Variants in CABLES1 observed in about 807,000 individuals in gnomAD.
CABLES1 encodes Cdk5 and Abl enzyme substrate 1, also known as CDK5 and ABL1 enzyme substrate 1.
CABLES1 carries 36 observed loss-of-function variants against 57.8 expected under a neutral mutation model. That is an observed-to-expected ratio of 0.62 (90% CI 0.48 to 0.82). The LOEUF (loss-of-function observed/expected upper bound fraction) is 0.82, where lower values mean the gene tolerates loss of function less well. Among genes scored for constraint, CABLES1 ranks in the 40% least tolerant of loss-of-function variants. The probability of loss-of-function intolerance (pLI) is 0.00; values close to 1 mark genes in which losing one functional copy is unlikely to be tolerated. For synonymous variants in CABLES1, 374 were observed against 363.0 expected (o/e 1.03, Z -0.35); for missense variants, 767 against 836.6 (o/e 0.92, Z 1.03).
At chr18:23,152,645 C>T (rs576625809) in intron 1 of CABLES1, among the ~76,000 whole-genome samples, 6 of 151,570 alleles carry the variant, frequency 4.0e-5, no homozygotes, top group Non-Finnish European at 7.4e-5. Context: ...CCATCATGCC[C>T]GGCTAATTTT....
intron 4 of CABLES1, among the ~76,000 whole-genome samples, chr18:23,216,447 G>A (rs2047442585): frequency 1.3e-5 from 2 of 152,316 alleles, no homozygotes; most frequent in South Asian, 4.1e-4. Context: ...GAGGTTAACT[G>A]TAGCTCCCAG....
chr18:23,233,253 G>A (rs200754816), intron 4 of CABLES1, among the ~76,000 whole-genome samples: 3 of 152,142 alleles, frequency 2.0e-5, no homozygotes, highest in Admixed American at 6.5e-5. Flanking sequence ...AGAGATCCCC[G>A]TACAATTCTG....
chr18:23,248,982 A>T (rs1348926705), intron 7 of CABLES1, among the ~76,000 whole-genome samples: 1 of 152,192 alleles, frequency 6.6e-6, no homozygotes, highest in Non-Finnish European at 1.5e-5. Flanking sequence ...TGGGACCAGG[A>T]CTCTGGCTTT....
intron 3 of CABLES1, among the ~76,000 whole-genome samples, chr18:23,212,086 C>T (rs574324593): frequency 1.3e-5 from 2 of 152,370 alleles, no homozygotes; most frequent in African/African-American, 4.8e-5. Flanking sequence ...ATGTAGACAG[C>T]CATGCATGGG....
intron 4 of CABLES1, among the ~76,000 whole-genome samples, chr18:23,233,060 G>A (rs560298101): frequency 1.3e-5 from 2 of 152,258 alleles, no homozygotes; most frequent in Admixed American, 6.5e-5. Flanking sequence ...AGGCCACACA[G>A]CAAGTATGCT....
intron 4 of CABLES1, among the ~76,000 whole-genome samples, chr18:23,215,840 G>A (rs181390739): frequency 2.1e-4 from 31 of 151,034 alleles, no homozygotes; most frequent in South Asian, 1.3e-3. Flanking sequence ...TGCAAGCTCC[G>A]CCTCCCGGGT....
At chr18:23,159,763 T>C (rs1379251009) in intron 1 of CABLES1, among the ~76,000 whole-genome samples, 1 of 152,250 alleles carries the variant, frequency 6.6e-6, no homozygotes, top group African/African-American at 2.4e-5. Flanking sequence ...TTAAAATTAG[T>C]CTGCTGTTGC....
At chr18:23,251,339 T>C (rs934444033) in intron 7 of CABLES1, among the ~76,000 whole-genome samples, 1 of 152,146 alleles carries the variant, frequency 6.6e-6, no homozygotes, top group Non-Finnish European at 1.5e-5. Flanking sequence ...TAGTTCCAGC[T>C]ACTCGGAAGG....
chr18:23,208,177 C>T (rs1053094932), intron 3 of CABLES1, among the ~76,000 whole-genome samples: 2 of 152,186 alleles, frequency 1.3e-5, no homozygotes, highest in African/African-American at 2.4e-5. Flanking sequence ...CCTGGATTAG[C>T]ATCTCCTTCC....
chr18:23,231,051 A>G (rs1474924328), intron 4 of CABLES1, among the ~76,000 whole-genome samples: 1 of 152,166 alleles, frequency 6.6e-6, no homozygotes, highest in East Asian at 1.9e-4. Flanking sequence ...ACTTAGGAGA[A>G]TCTTGCACTG....
At position 23,136,648 on chromosome 18, in the gene CABLES1, C is replaced by A. The variant is rs777942979; in HGVS notation, c.845+41C>A. 5 of 1,251,280 alleles carry A rather than the reference C, an allele frequency of 4.0e-6. No homozygotes were observed. In the African/African-American group the frequency reaches 6.2e-5, roughly 15 times the overall value. 77.5% of individuals were successfully genotyped at this position (1,251,280 alleles called of 1,614,324 possible). A position where few individuals can be genotyped will look rare whatever the true frequency, so the allele number is the denominator to read the frequency against. The stretch of plus-strand genomic sequence containing the variant: ...GCGACGCGCACCCAACCCTGCGTCC[C>A]GCCCGGCGCTCCCAGCCTCCCCGCG... On this transcript the variant is annotated intron_variant, in intron 1 of 9. Coordinates refer to ENST00000256925, the MANE Select transcript of CABLES1 (RefSeq NM_001100619.3).
chr18:23,204,724 C>A, intron 3 of CABLES1: 1 of 152,508 alleles, frequency 6.6e-6, no homozygotes, highest in Non-Finnish European at 1.5e-5. Context: ...GCCTCACAAT[C>A]ATGGCGGAAG....
chr18:23,257,575 C>T lies in CABLES1; in HGVS notation c.*208C>T, dbSNP rs993722246. 1.6e-5 allele frequency: 8 copies of T among 507,880 alleles called. No homozygotes were observed. Among genetic ancestry groups the T allele is most frequent in the Middle Eastern group, 4.9e-4 (1 of 2,034 alleles). The allele number at this position is 507,880 out of a possible 1,614,324, so 31.5% of individuals were successfully genotyped here. On this transcript the variant is annotated 3_prime_UTR_variant, in exon 10 of 10. Coordinates refer to ENST00000256925, the MANE Select transcript of CABLES1 (RefSeq NM_001100619.3). ...CCATGAGCTATGGACTCCTCAAGCA[C>T]GGGAAGAGGAGGTGTGTGCTGAGAA...
rs1029501003 is a variant in CABLES1, at chr18:23,253,717, G to C, written c.1554-12G>C. 8 of 1,612,634 alleles carry C rather than the reference G, an allele frequency of 5.0e-6. No individual in the cohort carries two copies. Among genetic ancestry groups the C allele is most frequent in the Non-Finnish European group, 6.8e-6 (8 of 1,178,968 alleles). ...TTCACAAGACTGTTCCCTCTTGCCT[G>C]TCTTTCTCCAGTCTGAAACGAGAGA... On this transcript the variant is annotated splice_polypyrimidine_tract_variant and intron_variant, in intron 8 of 9. Transcript: ENST00000256925.
intron 1 of CABLES1, among the ~76,000 whole-genome samples, chr18:23,144,926 T>C (rs917308881): frequency 6.6e-6 from 1 of 151,834 alleles, no homozygotes; most frequent in Non-Finnish European, 1.5e-5. Context: ...CACATCCTTT[T>C]TTTTTTTCTT....
At chr18:23,179,971 T>C (rs2047152825) in intron 1 of CABLES1, among the ~76,000 whole-genome samples, 1 of 152,348 alleles carries the variant, frequency 6.6e-6, no homozygotes, top group Non-Finnish European at 1.5e-5. Context: ...CAGGCTGGAG[T>C]GCAGTGGCGC....
chr18:23,213,910 T>C (rs1246535423), intron 3 of CABLES1, 67 bp from the exon 4 acceptor site: 4 of 1,054,450 alleles, frequency 3.8e-6, no homozygotes, highest in Admixed American at 4.0e-5. Context: ...TTGCTATAGA[T>C]TTTGTTTTTT....
At chr18:23,150,563 C>T (rs2046922190) in intron 1 of CABLES1, among the ~76,000 whole-genome samples, 1 of 152,140 alleles carries the variant, frequency 6.6e-6, no homozygotes, top group African/African-American at 2.4e-5. Context: ...TGGACAGCCT[C>T]TGCCCTGTGC....
At chr18:23,163,717 A>G (rs1275858402) in intron 1 of CABLES1, among the ~76,000 whole-genome samples, 2 of 152,136 alleles carry the variant, frequency 1.3e-5, no homozygotes, top group African/African-American at 2.4e-5. Flanking sequence ...TTATAGTGAC[A>G]TGAAACTACT....
Sources: allele counts gnomAD v4.1 joint callset (sites outside exome capture counted in the v4.1 genomes callset), GRCh38; gene constraint gnomAD v4.1.1; transcripts MANE v1.5; gene names NCBI Gene and HGNC (gene_info 2026-07-23, HGNC 2026-07-21).